The following NLGN1 variants were observed in gnomAD, a reference collection of about 807,000 sequenced individuals.
NLGN1 encodes the protein neuroligin-1.
A neutral mutation model predicts 65.5 loss-of-function variants in NLGN1; 12 were observed. That is an observed-to-expected ratio of 0.18 (90% CI 0.12 to 0.30). The LOEUF is 0.30. NLGN1 is among the 10% of genes least tolerant of loss of function. NLGN1 has a pLI of 1.00. For synonymous variants in NLGN1, 350 were observed against 359.5 expected, an observed-to-expected ratio of 0.97 and a Z score of 0.30; for missense variants, 750 against 1,007.1, an observed-to-expected ratio of 0.74 and a Z score of 3.46.
intron 1 of NLGN1, among the ~76,000 whole-genome samples, chr3:173,408,732 G>A (rs1711833182): frequency 6.6e-6 from 1 of 152,100 alleles, no homozygotes. Context: ...CTAATACGGT[G>A]AAACCCCGTC....
chr3:173,963,186 G>A (rs577393358), intron 4 of NLGN1, among the ~76,000 whole-genome samples: 44 of 152,240 alleles, frequency 2.9e-4, no homozygotes, highest in African/African-American at 1.0e-3. Flanking sequence ...AGCAGCTGAG[G>A]TGAGAAAATA....
chr3:173,506,062 A>G (rs933633939), intron 2 of NLGN1, among the ~76,000 whole-genome samples: 1 of 152,124 alleles, frequency 6.6e-6, no homozygotes, highest in African/African-American at 2.4e-5. Context: ...TATAATGAAA[A>G]TATACATTTT....
intron 4 of NLGN1, among the ~76,000 whole-genome samples, chr3:174,132,811 G>A (rs910930473): frequency 1.3e-5 from 2 of 152,328 alleles, no homozygotes; most frequent in African/African-American, 2.4e-5. Flanking sequence ...GAGTGAAAGA[G>A]ATTGCATAAA....
chr3:173,848,672 T>C (rs561985628), intron 4 of NLGN1, among the ~76,000 whole-genome samples: 2 of 152,200 alleles, frequency 1.3e-5, no homozygotes, highest in African/African-American at 4.8e-5. Flanking sequence ...TTTGGAATGT[T>C]GGCCTGCATT....
At chr3:173,747,855 C>T (rs749450899) in intron 3 of NLGN1, among the ~76,000 whole-genome samples, 27 of 115,156 alleles carry the variant, frequency 2.3e-4, no homozygotes, top group East Asian at 2.9e-4. Flanking sequence ...ACTCTGTCAC[C>T]GAGTTTGGAG....
chr3:173,832,610 A>G (rs1483227814), intron 4 of NLGN1, among the ~76,000 whole-genome samples: 1 of 152,206 alleles, frequency 6.6e-6, no homozygotes, highest in East Asian at 1.9e-4. Flanking sequence ...ATAAAACACT[A>G]CGGTTCATCA....
chr3:174,238,598 G>C (rs1454806418), intron 4 of NLGN1, among the ~76,000 whole-genome samples: 1 of 152,084 alleles, frequency 6.6e-6, no homozygotes, highest in African/African-American at 2.4e-5. Context: ...CTTGACCTTT[G>C]ATCCGCCCAC....
At chr3:174,087,066 A>G (rs1200381943) in intron 4 of NLGN1, among the ~76,000 whole-genome samples, 1 of 152,194 alleles carries the variant, frequency 6.6e-6, no homozygotes, top group Non-Finnish European at 1.5e-5. Flanking sequence ...TGGGAGCTAA[A>G]CAATGAGAAC....
At chr3:174,252,078 C>T (rs1744871659) in intron 4 of NLGN1, among the ~76,000 whole-genome samples, 1 of 152,040 alleles carries the variant, frequency 6.6e-6, no homozygotes, top group South Asian at 2.1e-4. Flanking sequence ...CCCAGTTTTT[C>T]CTTTCCTTTA....
intron 4 of NLGN1, among the ~76,000 whole-genome samples, chr3:173,933,317 T>C (rs938647153): frequency 6.6e-6 from 1 of 152,110 alleles, no homozygotes; most frequent in Non-Finnish European, 1.5e-5. Flanking sequence ...TTCCCACCAC[T>C]AGATCTTCAA....
intron 4 of NLGN1, among the ~76,000 whole-genome samples, chr3:174,126,733 C>G (rs1267226249): frequency 6.6e-6 from 1 of 152,022 alleles, no homozygotes; most frequent in African/African-American, 2.4e-5. Context: ...TGAAAATCAC[C>G]AACTACTGGA....
chr3:173,740,171 A>C (rs1044358230), intron 3 of NLGN1, among the ~76,000 whole-genome samples: 1 of 152,126 alleles, frequency 6.6e-6, no homozygotes, highest in African/African-American at 2.4e-5. Context: ...ATAAAACATA[A>C]AGGACAGTAA....
chr3:174,096,277 T>C (rs1268441224), intron 4 of NLGN1, among the ~76,000 whole-genome samples: 35 of 150,932 alleles, frequency 2.3e-4, no homozygotes, highest in Admixed American at 2.2e-3. Flanking sequence ...CGTACTGTTA[T>C]TGAGAGGAAC....
intron 4 of NLGN1, among the ~76,000 whole-genome samples, chr3:174,176,893 T>A (rs893813186): frequency 1.3e-5 from 2 of 151,900 alleles, no homozygotes; most frequent in African/African-American, 4.8e-5. Context: ...AGGGGCTGCC[T>A]CAATTTTAAT....
At chr3:173,786,265 G>GT (rs1781939991) in intron 3 of NLGN1, among the ~76,000 whole-genome samples, 1 of 152,118 alleles carries the variant, frequency 6.6e-6, no homozygotes, top group African/African-American at 2.4e-5. Context: ...TTATGGCTGT[G>GT]AGTTTTGTAC....
At chr3:174,046,312 A>G (rs1044658925) in intron 4 of NLGN1, among the ~76,000 whole-genome samples, 4 of 152,178 alleles carry the variant, frequency 2.6e-5, no homozygotes, top group African/African-American at 9.6e-5. Context: ...TTGGCACAAT[A>G]AGATATTCCT....
chr3:173,595,704 G>A (rs552439727), intron 2 of NLGN1, among the ~76,000 whole-genome samples: 30 of 152,250 alleles, frequency 2.0e-4, no homozygotes, highest in Admixed American at 4.6e-4. Context: ...GGAAGAAAAA[G>A]GGATTTAACT....
chr3:174,168,792 G>A (rs1178941002), intron 4 of NLGN1, among the ~76,000 whole-genome samples: 1 of 152,154 alleles, frequency 6.6e-6, no homozygotes, highest in Admixed American at 6.6e-5. Context: ...CTGATGGCAG[G>A]CATAGTATTA....
intron 4 of NLGN1, among the ~76,000 whole-genome samples, chr3:173,915,176 C>T (rs1579161070): frequency 6.6e-6 from 1 of 152,190 alleles, no homozygotes; most frequent in African/African-American, 2.4e-5. Context: ...TACTTCTAAC[C>T]TCAGCCTGCC....
Sources: gnomAD v4.1 joint callset for allele counts (sites outside exome capture counted in the v4.1 genomes callset) on GRCh38, gnomAD v4.1.1 for gene constraint, MANE v1.5 for transcripts, NCBI Gene and HGNC (gene_info 2026-07-23, HGNC 2026-07-21) for gene names.